The following FGD6 variants were observed in gnomAD, a reference collection of about 807,000 sequenced individuals.
FGD6 encodes FYVE, RhoGEF and PH domain containing 6, also known as FYVE, RhoGEF and PH domain-containing protein 6.
FGD6 carries 90 observed loss-of-function variants against 149.4 expected under a neutral mutation model. The ratio of observed to expected loss-of-function variants is 0.60; its 90% confidence interval spans 0.51 to 0.72. FGD6 has a LOEUF of 0.72. Ranked by LOEUF, FGD6 falls within the 30% of genes least tolerant of loss-of-function variation. The pLI is 0.00. For missense variants in FGD6, 1,437 were observed against 1,684.8 expected, an observed-to-expected ratio of 0.85 and a Z score of 2.57; for synonymous variants, 527 against 584.0, an observed-to-expected ratio of 0.90 and a Z score of 1.41.
At position 95,209,230 on chromosome 12, in the gene FGD6, C is replaced by A. The variant is rs759320173; in HGVS notation, c.2054G>T (p.Ser685Ile). ...QGLLVGEEKR[S>I]KPIKAYSTEN... ...TGTGGAATATGCCTTGATGGGTTTA[C>A]TTCTCTTCTCCTCTCCTACCAACAA... The change falls in exon 2 of 21, where the codon AGT (serine) becomes ATT (isoleucine). Residue 685 changes from serine (S) to isoleucine (I), a missense_variant. Transcript: ENST00000343958. 2.7e-5 allele frequency: 43 copies of A among 1,613,974 alleles called. No homozygotes were observed. Among genetic ancestry groups the A allele is most frequent in the Admixed American group, 3.3e-5 (2 of 59,986 alleles).
rs772685891 is a variant in FGD6, at chr12:95,083,030, T to TATATATATATACAC, written c.4256+1467_4256+1468insGTGTATATATATAT. ...AAAAAAAAATATATATATATATATA[T>TATATATATATACAC]ACACACACATACACACACACACACA... On this transcript the variant is annotated intron_variant, in intron 20 of 20. Coordinates refer to ENST00000343958, the MANE Select transcript of FGD6 (RefSeq NM_018351.4). Among the ~76,000 whole-genome samples, 122 of 56,560 alleles carry TATATATATATACAC rather than the reference T, an allele frequency of 2.2e-3. 1 individual carries two copies. The highest frequency in any genetic ancestry group is 0.014 in the Middle Eastern group (1 of 74). The allele number at this position is 56,560 out of a possible 152,430, so 37.1% of individuals were successfully genotyped here. A position where few individuals can be genotyped will look rare whatever the true frequency, so the allele number is the denominator to read the frequency against.
At position 95,137,565 on chromosome 12, in the gene FGD6, C is replaced by A; in HGVS notation, c.2951G>T (p.Cys984Phe). The change falls in exon 7 of 21, where the codon TGC becomes TTC. Residue 984 changes from cysteine (C) to phenylalanine (F), a missense_variant. Cys to Phe is a radical substitution (Grantham distance 205, BLOSUM62 -2). Transcript: ENST00000343958. ...DKNIALLDEQ[C>F]KKNPGFAAVV... is the part of the protein sequence containing the mutation. Reference sequence around the variant, plus strand: ...AGCAGCAAAACCTGGATTTTTCTTGCACTGTTCATCCAGCAAGGCTATATT... The same window carrying A: ...AGCAGCAAAACCTGGATTTTTCTTGAACTGTTCATCCAGCAAGGCTATATT... 6.2e-7 allele frequency: 1 copy of A among 1,607,358 alleles called. No individual in the cohort carries two copies.
chr12:95,126,003 A>T, intron 8 of FGD6: 1 of 1,378,016 alleles, frequency 7.3e-7, no homozygotes, highest in Non-Finnish European at 1.0e-6. Flanking sequence ...GAAGGTAGAC[A>T]TCAATACAAA....
rs137963913 is a variant in FGD6 at position 95,203,938 on chromosome 12, A to C, written c.2441+4905T>G. Among the ~76,000 whole-genome samples, 925 of 152,326 alleles carry C rather than the reference A, an allele frequency of 6.1e-3. 12 individuals carry two copies. The highest frequency in any genetic ancestry group is 0.021 in the African/African-American group (875 of 41,580). On this transcript the variant is annotated intron_variant, in intron 2 of 20. Coordinates refer to ENST00000343958, the MANE Select transcript of FGD6 (RefSeq NM_018351.4). ...GTTACAGACAAAGGCTCAAAGGCTC[A>C]AATTTTAGGAACTTCTCTCTGAACA...
At position 95,210,636 on chromosome 12, in the gene FGD6, T is replaced by C; in HGVS notation, c.648A>G (p.Gly216=). 6.2e-7 allele frequency: 1 copy of C among 1,614,194 alleles called. No homozygotes were observed. The highest frequency in any genetic ancestry group is 1.3e-5 in the African/African-American group (1 of 75,054). ...PEMNGGCNSN[G]QFRIEFADLS... ...AATCCGCAAATTCAATTCTGAATTG[T>C]CCATTTGAATTACAGCCACCATTCA... The change falls in exon 2 of 21, where the codon GGA becomes GGG. Residue 216 remains glycine (G), a synonymous_variant. Coordinates refer to ENST00000343958, the MANE Select transcript of FGD6 (RefSeq NM_018351.4).
Position 95,217,462 on chromosome 12 carries a change from A to G in FGD6, c.-222T>C, listed in dbSNP as rs2056851205. 1.7e-6 allele frequency: 1 copy of G among 579,126 alleles called. No individual in the cohort carries two copies. 35.9% of individuals were successfully genotyped at this position (579,126 alleles called of 1,614,324 possible). ...AGCCGCCGGGGTCGGGCGGGCGAGC[A>G]CTAGCACCGCCCCGCAGAGCGGCAG... is the stretch of plus-strand genomic sequence containing the variant. On this transcript the variant is annotated 5_prime_UTR_variant, in exon 1 of 21. Transcript: ENST00000343958.
intron 5 of FGD6, among the ~76,000 whole-genome samples, chr12:95,143,852 A>C (rs1308750551): frequency 6.6e-6 from 1 of 152,234 alleles, no homozygotes; most frequent in Non-Finnish European, 1.5e-5. Context: ...TTTAGTGATT[A>C]ATATAATCTG....
At chr12:95,116,977 ATAACCCAGGTG>A (rs1317850117) in intron 8 of FGD6, 5 of 454,126 alleles carry the variant, frequency 1.1e-5, no homozygotes, top group Admixed American at 9.5e-5. Context: ...AGTAACTGTT[ATAACCCAGGTG>A]AAACCCAGGA....
At chr12:95,184,560 G>C (rs1478712536) in intron 2 of FGD6, among the ~76,000 whole-genome samples, 1 of 147,144 alleles carries the variant, frequency 6.8e-6, no homozygotes, top group South Asian at 2.2e-4. Context: ...GTCAGGAAAA[G>C]ACATGGATTT....
At chr12:95,090,051 A>G (rs1434769406) in intron 17 of FGD6, among the ~76,000 whole-genome samples, 1 of 152,190 alleles carries the variant, frequency 6.6e-6, no homozygotes, top group Non-Finnish European at 1.5e-5. Context: ...TAGACCAGCT[A>G]CAATGAACAA....
Position 95,085,841 on chromosome 12 carries a change from G to A in FGD6, c.4046C>T (p.Pro1349Leu), listed in dbSNP as rs1285407574. 1 of 1,613,776 alleles carries A rather than the reference G, an allele frequency of 6.2e-7. No homozygotes were observed. The highest frequency in any genetic ancestry group is 2.2e-5 in the East Asian group (1 of 44,832). The change falls in exon 19 of 21, where the codon CCC (proline) becomes CTC (leucine). Residue 1349 changes from proline (P) to leucine (L), a missense_variant. Transcript: ENST00000343958. ...TATGACAAACCAAAAGTGTTTCCAGGGTTTTTTATTGCCCTTTGATCTGTA... is the reference window on the plus strand; with the variant it reads ...TATGACAAACCAAAAGTGTTTCCAGAGTTTTTTATTGCCCTTTGATCTGTA... Reference protein sequence around the residue: ...YLYRSKGNKKPWKHFWFVIKN... With the variant: ...YLYRSKGNKKLWKHFWFVIKN...
intron 8 of FGD6, among the ~76,000 whole-genome samples, chr12:95,120,549 G>C (rs1399126106): frequency 6.6e-6 from 1 of 151,722 alleles, no homozygotes; most frequent in Non-Finnish European, 1.5e-5. Flanking sequence ...AGTAGGGCAT[G>C]GTGGTGTGCG....
intron 17 of FGD6, 47 bp downstream of exon 17, chr12:95,091,660 T>C: frequency 7.3e-7 from 1 of 1,374,462 alleles, no homozygotes; most frequent in Non-Finnish European, 1.0e-6. Flanking sequence ...TTTGAAAGCA[T>C]CTGGGGAATA....
At chr12:95,192,767 G>C (rs1324681855) in intron 2 of FGD6, among the ~76,000 whole-genome samples, 1 of 152,184 alleles carries the variant, frequency 6.6e-6, no homozygotes, top group East Asian at 1.9e-4. Flanking sequence ...TTCCACAAAA[G>C]GTAGCATGTG....
At chr12:95,204,000 C>T (rs896905483) in intron 2 of FGD6, among the ~76,000 whole-genome samples, 1 of 152,124 alleles carries the variant, frequency 6.6e-6, no homozygotes, top group African/African-American at 2.4e-5. Context: ...TAAATGGGTA[C>T]CCATCACCTG....
intron 8 of FGD6, among the ~76,000 whole-genome samples, chr12:95,123,778 G>A (rs375751840): frequency 1.8e-4 from 28 of 152,132 alleles, no homozygotes; most frequent in East Asian, 1.5e-3. Flanking sequence ...TATTCAGGAC[G>A]GTCTCGATCT....
chr12:95,210,399 G>A lies in FGD6; in HGVS notation c.885C>T (p.Val295=). 1.2e-6 allele frequency: 2 copies of A among 1,613,940 alleles called. No homozygotes were observed. The highest frequency in any genetic ancestry group is 1.7e-6 in the Non-Finnish European group (2 of 1,179,988). The change falls in exon 2 of 21, where the codon GTC becomes GTT. Residue 295 remains valine (V), a synonymous_variant. Transcript: ENST00000343958. ...GAATTTCTAAGGGACCAAGGTCTTT[G>A]ACTTCTGATTTCTTACTAACTCCAT... ...SSDGVSKKSE[V]KDLGPLEIHL...
chr12:95,093,450 C>T (rs7977311), intron 15 of FGD6, among the ~76,000 whole-genome samples: 16,330 of 151,988 alleles, frequency 0.11, 1,009 homozygotes, highest in Admixed American at 0.17. Flanking sequence ...GAGGCCGAGG[C>T]GGGTGGATCA....
intron 14 of FGD6, among the ~76,000 whole-genome samples, chr12:95,102,943 A>G (rs1434344134): frequency 6.6e-6 from 1 of 152,214 alleles, no homozygotes; most frequent in East Asian, 1.9e-4. Flanking sequence ...ATAGAACTTA[A>G]AAGAGAAAAT....
Sources: gnomAD v4.1 joint callset for allele counts (sites outside exome capture counted in the v4.1 genomes callset) on GRCh38, gnomAD v4.1.1 for gene constraint, MANE v1.5 for transcripts, NCBI Gene and HGNC (gene_info 2026-07-23, HGNC 2026-07-21) for gene names.